The following ZFHX3 variants were observed in gnomAD, a reference collection of about 807,000 sequenced individuals.
ZFHX3 encodes the protein zinc finger homeobox protein 3.
In ZFHX3, 42 loss-of-function variants were observed where a neutral mutation model predicts 279.1. The observed-to-expected ratio is 0.15, with a 90% CI of 0.12 to 0.19. The LOEUF (loss-of-function observed/expected upper bound fraction) is 0.19. Among genes scored for constraint, ZFHX3 ranks in the 10% least tolerant of loss-of-function variants. ZFHX3 has a pLI of 1.00. For missense variants in ZFHX3, 4,981 were observed against 4,754.0 expected, an observed-to-expected ratio of 1.05 and a Z score of -1.40; for synonymous variants, 2,293 against 1,957.8, an observed-to-expected ratio of 1.17 and a Z score of -4.52.
intron 7 of ZFHX3, among the ~76,000 whole-genome samples, chr16:73,130,624 T>C (rs1966662661): frequency 2.0e-5 from 3 of 152,218 alleles, no homozygotes; most frequent in African/African-American, 4.8e-5. Flanking sequence ...AGTTTGTTTT[T>C]AAGATGGAGT....
At chr16:72,792,506 G>C (rs1322521232) in intron 9 of ZFHX3, among the ~76,000 whole-genome samples, 1 of 151,824 alleles carries the variant, frequency 6.6e-6, no homozygotes, top group African/African-American at 2.4e-5. Context: ...ACCCAGGCTG[G>C]AGTGCAGTGG....
Position 73,263,193 on chromosome 16 carries a change from C to CTT in ZFHX3, c.-1193-6059_-1193-6058dup, listed in dbSNP as rs558980116. Among the ~76,000 whole-genome samples the CTT allele has an allele frequency of 4.2e-5, 6 of 144,246 alleles. No individual in the cohort carries two copies. The South Asian group carries it at 6.7e-4, about 16-fold the overall frequency. The allele number at this position is 144,246 out of a possible 152,430, so 94.6% of individuals were successfully genotyped here. On this transcript the variant is annotated intron_variant, in intron 4 of 17. Transcript: ENST00000641206. ...ATTTACAATTCACTTTCAGGAAGTC[C>CTT]TTTTTTTTTTTTTTAATTTAGAGAC...
chr16:73,092,898 C>A (rs370192092), intron 8 of ZFHX3: 1 of 519,544 alleles, frequency 1.9e-6, no homozygotes, highest in South Asian at 1.4e-5. Flanking sequence ...GTGTCCCACG[C>A]GCTCCTGTTT....
intron 1 of ZFHX3, among the ~76,000 whole-genome samples, chr16:73,019,114 A>G (rs1405212359): frequency 6.6e-6 from 1 of 152,198 alleles, no homozygotes; most frequent in Non-Finnish European, 1.5e-5. Context: ...AAGTCAAAAG[A>G]GTTGGGATTA....
At chr16:73,022,455 G>A (rs983909558) in intron 1 of ZFHX3, among the ~76,000 whole-genome samples, 1 of 152,140 alleles carries the variant, frequency 6.6e-6, no homozygotes, top group African/African-American at 2.4e-5. Context: ...TATTCAGGCT[G>A]TGTCATTCTT....
At chr16:72,941,734 T>C (rs1344762989) in intron 3 of ZFHX3, among the ~76,000 whole-genome samples, 1 of 152,164 alleles carries the variant, frequency 6.6e-6, no homozygotes, top group Non-Finnish European at 1.5e-5. Context: ...TCCACAGTTT[T>C]CTTTGCTGTA....
chr16:73,066,464 A>C (rs1362621000), intron 8 of ZFHX3, among the ~76,000 whole-genome samples: 1 of 152,050 alleles, frequency 6.6e-6, no homozygotes, highest in African/African-American at 2.4e-5. Flanking sequence ...CCCGGGAGGA[A>C]GCCTCGGGCC....
At chr16:72,810,046 T>C (rs2036395296) in intron 7 of ZFHX3, among the ~76,000 whole-genome samples, 2 of 151,186 alleles carry the variant, frequency 1.3e-5, no homozygotes, top group African/African-American at 4.9e-5. Flanking sequence ...GCCCGGCTAA[T>C]TTTTTGTATT....
At chr16:73,480,246 C>G (rs940595364) in intron 2 of ZFHX3, among the ~76,000 whole-genome samples, 1 of 151,764 alleles carries the variant, frequency 6.6e-6, no homozygotes, top group East Asian at 1.9e-4. Context: ...TTGTTCAGAA[C>G]TTTCATTCCA....
intron 5 of ZFHX3, among the ~76,000 whole-genome samples, chr16:73,165,042 A>G (rs1364791097): frequency 6.6e-6 from 1 of 152,210 alleles, no homozygotes; most frequent in African/African-American, 2.4e-5. Context: ...AGAAGTTTGG[A>G]ACCAAAAGAT....
At chr16:73,007,570 C>G (rs574577740) in intron 1 of ZFHX3, among the ~76,000 whole-genome samples, 106 of 152,228 alleles carry the variant, frequency 7.0e-4, no homozygotes, top group African/African-American at 2.2e-3. Context: ...CCTCAGCTTC[C>G]CGAGTAACTG....
At chr16:73,128,903 C>T (rs558591889) in intron 7 of ZFHX3, among the ~76,000 whole-genome samples, 60 of 152,224 alleles carry the variant, frequency 3.9e-4, no homozygotes, top group African/African-American at 1.4e-3. Context: ...TAACACTCAC[C>T]TCATGTGGTT....
rs372538755 is a variant in ZFHX3, at chr16:73,505,823, C to T, written c.-1546-49565G>A. 5.9e-5 allele frequency among the ~76,000 whole-genome samples: 9 copies of T among 152,362 alleles called. No homozygotes were observed. In the East Asian group the frequency reaches 9.6e-4, roughly 16 times the overall value. On this transcript the variant is annotated intron_variant, in intron 2 of 17. Transcript: ENST00000641206. ...GAAAAACTTGAGGCATTGCAGAGCA[C>T]AGCCAAGGAGCAGAGACACATGAAT...
intron 1 of ZFHX3, among the ~76,000 whole-genome samples, chr16:73,806,789 G>A (rs536164781): frequency 7.1e-4 from 108 of 152,264 alleles, no homozygotes; most frequent in African/African-American, 2.3e-3. Flanking sequence ...TGGAAAATGA[G>A]ACCAAGGGGA....
chr16:73,285,744 G>A (rs923204607), intron 4 of ZFHX3, among the ~76,000 whole-genome samples: 6 of 152,150 alleles, frequency 3.9e-5, no homozygotes, highest in Non-Finnish European at 8.8e-5. Context: ...ATTTCTCTGA[G>A]AGTCTAGGAT....
At chr16:73,435,603 C>G (rs553466874) in intron 3 of ZFHX3, among the ~76,000 whole-genome samples, 15 of 152,256 alleles carry the variant, frequency 9.9e-5, no homozygotes, top group African/African-American at 2.9e-4. Flanking sequence ...TTGTGACAAC[C>G]AAAATTACCT....
chr16:73,213,957 C>T (rs551347396), intron 5 of ZFHX3, among the ~76,000 whole-genome samples: 2 of 152,308 alleles, frequency 1.3e-5, no homozygotes, highest in South Asian at 4.1e-4. Context: ...TTATTAAGAA[C>T]ATATTTACCA....
chr16:73,139,183 A>T (rs940387599), intron 6 of ZFHX3, among the ~76,000 whole-genome samples: 1 of 152,256 alleles, frequency 6.6e-6, no homozygotes, highest in African/African-American at 2.4e-5. Context: ...GAATTAGTTA[A>T]ATAAACAATG....
At chr16:73,869,805 C>T (rs1405039127) in intron 1 of ZFHX3, among the ~76,000 whole-genome samples, 1 of 152,158 alleles carries the variant, frequency 6.6e-6, no homozygotes, top group East Asian at 1.9e-4. Context: ...TTTAACCGGG[C>T]TTCCTGTTTA....
Sources: allele counts gnomAD v4.1 joint callset (sites outside exome capture counted in the v4.1 genomes callset), GRCh38; gene constraint gnomAD v4.1.1; transcripts MANE v1.5; gene names NCBI Gene and HGNC (gene_info 2026-07-23, HGNC 2026-07-21).